The following GM2A variants were observed in gnomAD, a reference collection of about 807,000 sequenced individuals.
GM2A encodes GM2 ganglioside activator.
In GM2A, 7 loss-of-function variants were observed where a neutral mutation model predicts 12.9. That is an observed-to-expected ratio of 0.54 (90% CI 0.31 to 1.02). The LOEUF (loss-of-function observed/expected upper bound fraction) is 1.02. Ranked by LOEUF, GM2A falls within the 50% of genes least tolerant of loss-of-function variation. The pLI, the probability that GM2A is intolerant of heterozygous loss-of-function variation, is 0.05. For synonymous variants in GM2A, 101 were observed against 96.0 expected (o/e 1.05, Z -0.30); for missense variants, 246 against 241.0 (o/e 1.02, Z -0.14).
chr5:151,255,244 C>G (rs1278220657), intron 1 of GM2A, among the ~76,000 whole-genome samples: 1 of 152,134 alleles, frequency 6.6e-6, no homozygotes, highest in Non-Finnish European at 1.5e-5. Flanking sequence ...GAGGTCATGG[C>G]TACAGCTGAG....
rs754361992 is a variant in GM2A at position 151,267,631 on chromosome 5, C to T, written c.*180C>T. On this transcript the variant is annotated 3_prime_UTR_variant, in exon 4 of 4. Coordinates refer to ENST00000357164, the MANE Select transcript of GM2A (RefSeq NM_000405.5). The stretch of plus-strand genomic sequence containing the variant: ...TACATTTTAGGCTGGGGCAAGCAGC[C>T]CTGACCTAAGGGAGAATGAGTTGGA... 12 of 1,518,520 alleles carry T rather than the reference C, an allele frequency of 7.9e-6. 1 individual carries two copies. In the South Asian group the frequency reaches 1.4e-4, roughly 18 times the overall value. The allele number at this position is 1,518,520 out of a possible 1,614,324, so 94.1% of individuals were successfully genotyped here.
At position 151,267,318 on chromosome 5, in the gene GM2A, G is replaced by C. The variant is rs1280352884; in HGVS notation, c.449G>C (p.Ser150Thr). 6.2e-7 allele frequency: 1 copy of C among 1,614,046 alleles called. No homozygotes were observed. Among genetic ancestry groups the C allele is most frequent in the Non-Finnish European group, 8.5e-7 (1 of 1,180,014 alleles). The change falls in exon 4 of 4, where the codon AGC (serine) becomes ACC (threonine). Residue 150 changes from serine to threonine, a missense_variant. Coordinates refer to ENST00000357164, the MANE Select transcript of GM2A (RefSeq NM_000405.5). ...FKEGTYSLPK[S>T]EFVVPDLELP... ...CAGGGAACCTACTCACTGCCCAAGA[G>C]CGAATTCGTTGTGCCTGACCTGGAG...
intron 2 of GM2A, among the ~76,000 whole-genome samples, chr5:151,263,311 C>G (rs1753831175): frequency 6.6e-6 from 1 of 151,946 alleles, no homozygotes; most frequent in African/African-American, 2.4e-5. Context: ...CTCAGGTGAT[C>G]TGCCCACCTT....
chr5:151,264,422 G>T (rs571696938), intron 2 of GM2A, among the ~76,000 whole-genome samples: 3 of 152,312 alleles, frequency 2.0e-5, no homozygotes, highest in East Asian at 1.9e-4. Flanking sequence ...AGCCCTACAG[G>T]TTCCAGCCTG....
rs1237537987 is a variant in GM2A at position 151,269,265 on chromosome 5, A to T, written c.*1814A>T. On this transcript the variant is annotated 3_prime_UTR_variant, in exon 4 of 4. Transcript: ENST00000357164. ...GACAGTTTCCCCTTGCCTTGGCTGC[A>T]TATTTCACTGATCACATCTCAGGAT... is the stretch of plus-strand genomic sequence containing the variant. 2 of 985,346 alleles carry T rather than the reference A, an allele frequency of 2.0e-6. No individual in the cohort carries two copies. Among genetic ancestry groups the T allele is most frequent in the Admixed American group, 6.1e-5 (1 of 16,264 alleles). The allele number at this position is 985,346 out of a possible 1,614,324, so 61.0% of individuals were successfully genotyped here.
chr5:151,267,023 A>C (rs1032319051), intron 3 of GM2A, 110 bp downstream of exon 3: 2 of 990,838 alleles, frequency 2.0e-6, no homozygotes, highest in African/African-American at 3.2e-5. Flanking sequence ...CTGGATTTGT[A>C]AGCCAGTGTG....
intron 3 of GM2A, 114 bp downstream of exon 3, chr5:151,267,027 C>A: frequency 4.2e-6 from 4 of 958,854 alleles, no homozygotes; most frequent in Non-Finnish European, 6.7e-6. Flanking sequence ...ATTTGTAAGC[C>A]AGTGTGACCT....
chr5:151,266,447 C>CAAAAAAAAAA lies in GM2A; in HGVS notation c.244-278_244-269dup, dbSNP rs59997121. ...GCAGTGAGTGCAGTGAGCCATGATA[C>CAAAAAAAAAA]AAAAAAAAAAAAAAAGAATTCTAAG... On this transcript the variant is annotated intron_variant, in intron 2 of 3. Coordinates refer to ENST00000357164, the MANE Select transcript of GM2A (RefSeq NM_000405.5). 5.3e-4 allele frequency among the ~76,000 whole-genome samples: 56 copies of CAAAAAAAAAA among 106,028 alleles called. 1 individual carries two copies. Among genetic ancestry groups the CAAAAAAAAAA allele is most frequent in the Middle Eastern group, 0.011 (2 of 190 alleles). The allele number at this position is 106,028 out of a possible 152,430, so 69.6% of individuals were successfully genotyped here.
chr5:151,266,964 G>A (rs748307935), intron 3 of GM2A, 51 bp downstream of exon 3: 1 of 1,423,338 alleles, frequency 7.0e-7, no homozygotes, highest in Non-Finnish European at 9.9e-7. Context: ...AAGAGATGGG[G>A]TTTGGAGAGA....
chr5:151,264,382 G>T (rs1753847729), intron 2 of GM2A, among the ~76,000 whole-genome samples: 1 of 152,208 alleles, frequency 6.6e-6, no homozygotes, highest in Non-Finnish European at 1.5e-5. Context: ...GAGTAGAGAT[G>T]AGGGAGCCAC....
chr5:151,260,977 G>A (rs1753786723), intron 2 of GM2A, among the ~76,000 whole-genome samples: 1 of 133,302 alleles, frequency 7.5e-6, no homozygotes, highest in African/African-American at 2.8e-5. Context: ...AGGATTAGGT[G>A]GCTCTACTTA....
intron 2 of GM2A, among the ~76,000 whole-genome samples, chr5:151,264,359 GTGC>G (rs770794416): frequency 4.6e-4 from 70 of 152,326 alleles, no homozygotes; most frequent in Middle Eastern, 3.4e-3. Context: ...TGCTGGTCCT[GTGC>G]TGGGGGCAGG....
Position 151,268,379 on chromosome 5 carries a change from T to G in GM2A, c.*928T>G. 1 of 714,820 alleles carries G rather than the reference T, an allele frequency of 1.4e-6. No homozygotes were observed. The highest frequency in any genetic ancestry group is 6.3e-5 in the South Asian group (1 of 15,836). The allele number at this position is 714,820 out of a possible 1,614,324, so 44.3% of individuals were successfully genotyped here. ...CATGTTGGCCAGGATGGTCTCGATCTCTTGACCTCGTGATCTGTCCACCTT... is the reference window on the plus strand; with the variant it reads ...CATGTTGGCCAGGATGGTCTCGATCGCTTGACCTCGTGATCTGTCCACCTT... On this transcript the variant is annotated 3_prime_UTR_variant, in exon 4 of 4. Transcript: ENST00000357164.
intron 1 of GM2A, 53 bp from the exon 2 acceptor site, chr5:151,259,702 T>C: frequency 6.4e-7 from 1 of 1,564,978 alleles, no homozygotes; most frequent in Non-Finnish European, 8.8e-7. Context: ...TGTGATAGTT[T>C]CTTTTGTCAA....
At chr5:151,265,611 C>A (rs1753869058) in intron 2 of GM2A, among the ~76,000 whole-genome samples, 2 of 152,200 alleles carry the variant, frequency 1.3e-5, no homozygotes. Context: ...CTAAAGCCAA[C>A]TCATTTGGCA....
In GM2A at chr5:151,269,929, C is replaced by T; in HGVS notation, c.*2478C>T. The T allele has an allele frequency of 8.5e-7, 1 of 1,175,632 alleles. No homozygotes were observed. 72.8% of individuals were successfully genotyped at this position (1,175,632 alleles called of 1,614,324 possible). A position where few individuals can be genotyped will look rare whatever the true frequency, so the allele number is the denominator to read the frequency against. ...CCCACGAGTTGACCACTTCCCAATG[C>T]CGGGGATCTGACACCTCACCTGGCA... On this transcript the variant is annotated 3_prime_UTR_variant, in exon 4 of 4. Coordinates refer to ENST00000357164, the MANE Select transcript of GM2A (RefSeq NM_000405.5).
At position 151,266,881 on chromosome 5, in the gene GM2A, T is replaced by C. The variant is rs776691770; in HGVS notation, c.394T>C (p.Tyr132His). The C allele has an allele frequency of 6.2e-7, 1 of 1,613,710 alleles. No individual in the cohort carries two copies. Among genetic ancestry groups the C allele is most frequent in the African/African-American group, 1.3e-5 (1 of 74,918 alleles). ...GEPCPEPLRT[Y>H]GLPCHCPFKE... ...GCCCTGCCCAGAGCCCCTGCGTACC[T>C]ATGGGCTTCCTTGCCACTGTCCCTT... Residue 132 changes from tyrosine to histidine, a missense_variant, in exon 3 of 4, where the codon TAT becomes CAT. Transcript: ENST00000357164.
Position 151,267,514 on chromosome 5 carries a change from T to C in GM2A, c.*63T>C. 1 of 1,609,956 alleles carries C rather than the reference T, an allele frequency of 6.2e-7. No individual in the cohort carries two copies. The highest frequency in any genetic ancestry group is 8.5e-7 in the Non-Finnish European group (1 of 1,178,412). ...AAGGTCCCTTTTCCTCTGTTTTGTG[T>C]TTGCCAAGGCCAAACTCCCACTCTC... On this transcript the variant is annotated 3_prime_UTR_variant, in exon 4 of 4. Coordinates refer to ENST00000357164, the MANE Select transcript of GM2A (RefSeq NM_000405.5).
At chr5:151,264,322 CTTCAG>C (rs944298558) in intron 2 of GM2A, among the ~76,000 whole-genome samples, 50 of 152,344 alleles carry the variant, frequency 3.3e-4, no homozygotes, top group African/African-American at 1.1e-3. Context: ...CCTCTGTTGA[CTTCAG>C]TTCAGTACAC....
Sources: allele counts gnomAD v4.1 joint callset (sites outside exome capture counted in the v4.1 genomes callset), GRCh38; gene constraint gnomAD v4.1.1; transcripts MANE v1.5; gene names NCBI Gene and HGNC (gene_info 2026-07-23, HGNC 2026-07-21).